ATP8A2: variants seen among roughly 807,000 people sequenced by gnomAD.
The protein encoded by ATP8A2 is ATPase phospholipid transporting 8A2, also known as phospholipid-transporting ATPase IB.
ATP8A2 carries 100 observed loss-of-function variants against 165.6 expected under a neutral mutation model. The observed-to-expected ratio is 0.60, with a 90% CI of 0.51 to 0.71. The LOEUF is 0.71. Ranked by LOEUF, ATP8A2 falls within the 30% of genes least tolerant of loss-of-function variation. The pLI, the probability that ATP8A2 is intolerant of heterozygous loss-of-function variation, is 0.00. For missense variants in ATP8A2, 1,227 were observed against 1,479.5 expected, an observed-to-expected ratio of 0.83 and a Z score of 2.80; for synonymous variants, 543 against 548.8, an observed-to-expected ratio of 0.99 and a Z score of 0.15.
At chr13:25,907,676 C>T (rs1408246013) in intron 33 of ATP8A2, among the ~76,000 whole-genome samples, 1 of 152,180 alleles carries the variant, frequency 6.6e-6, no homozygotes, top group Non-Finnish European at 1.5e-5. Flanking sequence ...TACTTCTTAA[C>T]AGGCCTGTTG....
intron 24 of ATP8A2, among the ~76,000 whole-genome samples, chr13:25,638,531 A>G (rs149266407): frequency 0.035 from 5,260 of 152,298 alleles, 155 homozygotes; most frequent in East Asian, 0.13. Context: ...AATGAATGAA[A>G]TGAAGCGAGA....
intron 27 of ATP8A2, among the ~76,000 whole-genome samples, chr13:25,815,408 A>G (rs1255728079): frequency 2.0e-5 from 3 of 152,226 alleles, no homozygotes; most frequent in African/African-American, 4.8e-5. Context: ...TCCAAAGAAG[A>G]TATGCAAATA....
At chr13:25,552,618 CTTGTAT>C (rs1332188480) in intron 11 of ATP8A2, among the ~76,000 whole-genome samples, 1 of 151,962 alleles carries the variant, frequency 6.6e-6, no homozygotes, top group Non-Finnish European at 1.5e-5. Context: ...TTTAGTATTT[CTTGTAT>C]TTGTAATTGT....
chr13:25,919,592 A>G (rs1443591684), intron 33 of ATP8A2, among the ~76,000 whole-genome samples: 1 of 151,964 alleles, frequency 6.6e-6, no homozygotes, highest in Non-Finnish European at 1.5e-5. Context: ...ACTTTAAGGG[A>G]AGTTTACCCT....
intron 25 of ATP8A2, among the ~76,000 whole-genome samples, chr13:25,749,535 A>G (rs569597737): frequency 6.6e-6 from 1 of 151,948 alleles, no homozygotes; most frequent in East Asian, 1.9e-4. Flanking sequence ...ATCATGACGC[A>G]GGCATTGTCA....
At chr13:25,587,040 C>T (rs1459313121) in intron 23 of ATP8A2, among the ~76,000 whole-genome samples, 1 of 152,228 alleles carries the variant, frequency 6.6e-6, no homozygotes, top group East Asian at 1.9e-4. Flanking sequence ...AGAGGTTCTC[C>T]TCTCAGTCAT....
At chr13:25,581,789 T>C (rs2138243856) in intron 22 of ATP8A2, 30 bp from the exon 23 acceptor site, 1 of 1,607,986 alleles carries the variant, frequency 6.2e-7, no homozygotes, top group African/African-American at 1.3e-5. Flanking sequence ...TATGTGCCAA[T>C]CTTTAACTGA....
intron 10 of ATP8A2, among the ~76,000 whole-genome samples, chr13:25,545,872 C>T (rs1486640635): frequency 1.3e-5 from 2 of 152,138 alleles, no homozygotes; most frequent in East Asian, 1.9e-4. Flanking sequence ...TGAACTCAAG[C>T]GATCCACCCA....
At chr13:25,679,897 T>C (rs951312002) in intron 24 of ATP8A2, among the ~76,000 whole-genome samples, 1 of 152,146 alleles carries the variant, frequency 6.6e-6, no homozygotes, top group Non-Finnish European at 1.5e-5. Flanking sequence ...GTCAAGGGGA[T>C]TAAGACAGCA....
At chr13:25,715,750 A>G (rs1011091278) in intron 25 of ATP8A2, among the ~76,000 whole-genome samples, 8 of 152,202 alleles carry the variant, frequency 5.3e-5, no homozygotes, top group Non-Finnish European at 1.2e-4. Context: ...TATGAATTAT[A>G]CTTCTATAAA....
At chr13:25,911,500 G>T (rs1231511523) in intron 33 of ATP8A2, among the ~76,000 whole-genome samples, 1 of 152,152 alleles carries the variant, frequency 6.6e-6, no homozygotes, top group African/African-American at 2.4e-5. Flanking sequence ...CTTAACAGGG[G>T]GAAAATGTGC....
chr13:25,399,624 G>C (rs1216850293), intron 1 of ATP8A2, among the ~76,000 whole-genome samples: 1 of 138,310 alleles, frequency 7.2e-6, no homozygotes, highest in Non-Finnish European at 1.6e-5. Context: ...GGATGGTCTC[G>C]ATCTCCTGAC....
Position 26,021,309 on chromosome 13 carries a change from G to C in ATP8A2, c.*1324G>C, listed in dbSNP as rs1457978500. The C allele has an allele frequency of 1.3e-5, 2 of 152,330 alleles. No homozygotes were observed. Among genetic ancestry groups the C allele is most frequent in the South Asian group, 4.1e-4 (2 of 4,824 alleles). 9.4% of individuals were successfully genotyped at this position (152,330 alleles called of 1,614,324 possible). A position where few individuals can be genotyped will look rare whatever the true frequency, so the allele number is the denominator to read the frequency against. ...GCCTTGAGACCCAGACAATTGTCAT[G>C]ATCAGCCCAGTGTGTATGAGAGCTT... On this transcript the variant is annotated 3_prime_UTR_variant, in exon 37 of 37. Transcript: ENST00000381655.
intron 24 of ATP8A2, among the ~76,000 whole-genome samples, chr13:25,692,850 A>G (rs2042755265): frequency 6.6e-6 from 1 of 152,254 alleles, no homozygotes; most frequent in African/African-American, 2.4e-5. Flanking sequence ...AGTCGTCAGT[A>G]GCAGTCACTC....
intron 25 of ATP8A2, among the ~76,000 whole-genome samples, chr13:25,709,679 A>G (rs1010960418): frequency 2.6e-5 from 4 of 152,214 alleles, no homozygotes; most frequent in African/African-American, 4.8e-5. Flanking sequence ...AAGTTTAACA[A>G]TAATATAGAA....
chr13:25,549,964 GTTAAT>G (rs2038769258), intron 10 of ATP8A2, among the ~76,000 whole-genome samples: 4 of 152,088 alleles, frequency 2.6e-5, no homozygotes. Flanking sequence ...TCTCACAGTT[GTTAAT>G]TTAATTTAAT....
At chr13:25,509,327 TGAAA>T (rs1180616569) in intron 2 of ATP8A2, among the ~76,000 whole-genome samples, 1 of 152,162 alleles carries the variant, frequency 6.6e-6, no homozygotes, top group African/African-American at 2.4e-5. Flanking sequence ...GTTGTGGAGC[TGAAA>T]GAAGCTTTAC....
At chr13:26,008,827 G>T (rs74039976) in intron 35 of ATP8A2, among the ~76,000 whole-genome samples, 3,634 of 152,246 alleles carry the variant, frequency 0.024, 132 homozygotes, top group African/African-American at 0.076. Context: ...TATTGAAGAA[G>T]GGGGTTAAAT....
At chr13:25,390,264 G>C (rs904257652) in intron 1 of ATP8A2, among the ~76,000 whole-genome samples, 2 of 152,192 alleles carry the variant, frequency 1.3e-5, no homozygotes, top group Non-Finnish European at 2.9e-5. Context: ...AAAGTGCTGG[G>C]ATTACAGGCA....
Sources: gnomAD v4.1 joint callset for allele counts (sites outside exome capture counted in the v4.1 genomes callset) on GRCh38, gnomAD v4.1.1 for gene constraint, MANE v1.5 for transcripts, NCBI Gene and HGNC (gene_info 2026-07-23, HGNC 2026-07-21) for gene names.